TAFA1: variants seen among roughly 807,000 people sequenced by gnomAD.
The protein encoded by TAFA1 is chemokine-like protein TAFA-1.
Under a neutral mutation model 18.5 loss-of-function variants are expected in TAFA1, and 4 were observed. The ratio of observed to expected loss-of-function variants is 0.22; its 90% CI spans 0.11 to 0.49. The LOEUF is 0.49. Among genes scored for constraint, TAFA1 ranks in the 20% least tolerant of loss-of-function variants. TAFA1 has a pLI of 0.98. For synonymous variants in TAFA1, 56 were observed against 55.2 expected (o/e 1.01, Z -0.06); for missense variants, 147 against 169.0 (o/e 0.87, Z 0.72).
At chr3:68,419,754 G>C (rs1328181133) in intron 3 of TAFA1, among the ~76,000 whole-genome samples, 1 of 152,134 alleles carries the variant, frequency 6.6e-6, no homozygotes, top group Admixed American at 6.5e-5. Flanking sequence ...TATTTTCATT[G>C]TGGGTCAGTA....
chr3:68,464,378 T>C (rs954051076), intron 3 of TAFA1, among the ~76,000 whole-genome samples: 1 of 152,174 alleles, frequency 6.6e-6, no homozygotes, highest in Non-Finnish European at 1.5e-5. Context: ...AGGGAGCTCC[T>C]TTAGATTGAA....
At chr3:68,523,445 C>T (rs2073057920) in intron 3 of TAFA1, among the ~76,000 whole-genome samples, 1 of 152,154 alleles carries the variant, frequency 6.6e-6, no homozygotes, top group Non-Finnish European at 1.5e-5. Context: ...TTTGTAATTT[C>T]TTAGGATCAA....
intron 3 of TAFA1, among the ~76,000 whole-genome samples, chr3:68,464,361 G>A (rs74516321): frequency 0.012 from 1,876 of 152,246 alleles, 41 homozygotes; most frequent in African/African-American, 0.044. Context: ...AGAGAGAGTT[G>A]GAATGGAGGG....
At chr3:68,249,935 G>A (rs1002405888) in intron 2 of TAFA1, among the ~76,000 whole-genome samples, 2 of 152,056 alleles carry the variant, frequency 1.3e-5, no homozygotes, top group Admixed American at 6.6e-5. Flanking sequence ...CACAGCCTCC[G>A]AAGGCCACGT....
chr3:68,522,690 A>T (rs1294962086), intron 3 of TAFA1, among the ~76,000 whole-genome samples: 1 of 152,110 alleles, frequency 6.6e-6, no homozygotes, highest in Non-Finnish European at 1.5e-5. Context: ...TTCTACTAAA[A>T]ATACAAAAAT....
intron 2 of TAFA1, among the ~76,000 whole-genome samples, chr3:68,188,466 T>C (rs2066296278): frequency 6.8e-6 from 1 of 148,148 alleles, no homozygotes; most frequent in South Asian, 2.1e-4. Flanking sequence ...AGTATCTCTC[T>C]AAATTATATA....
intron 2 of TAFA1, among the ~76,000 whole-genome samples, chr3:68,258,435 A>G (rs548417775): frequency 6.6e-6 from 1 of 152,266 alleles, no homozygotes; most frequent in South Asian, 2.1e-4. Context: ...GAGAATTACT[A>G]ACTATGCTCC....
At chr3:68,247,469 G>T (rs2067102568) in intron 2 of TAFA1, 1 of 152,284 alleles carries the variant, frequency 6.6e-6, no homozygotes, top group Admixed American at 6.5e-5. Context: ...CTTTTTGCCT[G>T]AAGCCACCTC....
At chr3:68,071,511 G>T (rs2064754819) in intron 2 of TAFA1, among the ~76,000 whole-genome samples, 3 of 152,108 alleles carry the variant, frequency 2.0e-5, no homozygotes, top group Non-Finnish European at 4.4e-5. Context: ...GGGAAATCAG[G>T]GAAGGCTCAC....
intron 2 of TAFA1, among the ~76,000 whole-genome samples, chr3:68,041,486 T>TC (rs1482121678): frequency 6.6e-6 from 1 of 152,232 alleles, no homozygotes; most frequent in Non-Finnish European, 1.5e-5. Flanking sequence ...GATTTTTTTT[T>TC]CTCCCATTTT....
At chr3:68,081,267 C>T (rs2064895449) in intron 2 of TAFA1, among the ~76,000 whole-genome samples, 1 of 152,048 alleles carries the variant, frequency 6.6e-6, no homozygotes. Context: ...AATGTCCTCC[C>T]ATAGCTCAGA....
chr3:68,040,394 A>C (rs1705138676), intron 2 of TAFA1, among the ~76,000 whole-genome samples: 1 of 152,110 alleles, frequency 6.6e-6, no homozygotes, highest in African/African-American at 2.4e-5. Context: ...CTCTCAAGGG[A>C]GGGTCACTGC....
At chr3:68,441,487 C>G (rs1014911092) in intron 3 of TAFA1, among the ~76,000 whole-genome samples, 1 of 152,136 alleles carries the variant, frequency 6.6e-6, no homozygotes, top group African/African-American at 2.4e-5. Context: ...GGAAACTGAA[C>G]GTTTAACTAT....
At chr3:68,001,045 C>G (rs1047897861), upstream of TAFA1, among the ~76,000 whole-genome samples, 1 of 152,050 alleles carries the variant, frequency 6.6e-6, no homozygotes, top group Non-Finnish European at 1.5e-5. Flanking sequence ...ATTTTCATGA[C>G]CTTTATATGC....
intron 2 of TAFA1, among the ~76,000 whole-genome samples, chr3:68,323,328 A>C (rs1438796384): frequency 2.0e-5 from 3 of 152,220 alleles, no homozygotes; most frequent in Non-Finnish European, 2.9e-5. Context: ...ACTGAAATGA[A>C]TAGATTCACG....
At chr3:67,992,958 T>A in the TAFA1 span, among the ~76,000 whole-genome samples, 1 of 152,122 alleles carries the variant, frequency 6.6e-6, no homozygotes, top group Non-Finnish European at 1.5e-5. Flanking sequence ...AATTCCCGAG[T>A]GGTCAGGCTT....
intron 2 of TAFA1, among the ~76,000 whole-genome samples, chr3:68,344,719 A>AGAGG (rs2069136991): frequency 6.6e-6 from 1 of 152,198 alleles, no homozygotes; most frequent in Admixed American, 6.5e-5. Flanking sequence ...GAGATAAGGA[A>AGAGG]GAGGATAGTT....
chr3:68,319,633 C>T (rs1009064160), intron 2 of TAFA1, among the ~76,000 whole-genome samples: 11 of 152,224 alleles, frequency 7.2e-5, no homozygotes, highest in Non-Finnish European at 1.3e-4. Context: ...CCACTTAGGA[C>T]TTTGACTAAG....
chr3:68,100,485 A>G lies in TAFA1; in HGVS notation c.118+93741A>G, dbSNP rs191453144. On this transcript the variant is annotated intron_variant, in intron 2 of 4. Coordinates refer to ENST00000478136, the MANE Select transcript of TAFA1 (RefSeq NM_213609.4). ...GGTGTTGGTTTAGCATGGGACTGTCATGGCCACCAGATTGGTCTTTTGCTT... is the reference window on the plus strand; with the variant it reads ...GGTGTTGGTTTAGCATGGGACTGTCGTGGCCACCAGATTGGTCTTTTGCTT... Among the ~76,000 whole-genome samples, 19 of 152,240 alleles carry G rather than the reference A, an allele frequency of 1.2e-4. No homozygotes were observed. In the East Asian group the frequency reaches 2.7e-3, roughly 22 times the overall value.
Sources: gnomAD v4.1 joint callset for allele counts (sites outside exome capture counted in the v4.1 genomes callset) on GRCh38, gnomAD v4.1.1 for gene constraint, MANE v1.5 for transcripts, NCBI Gene and HGNC (gene_info 2026-07-23, HGNC 2026-07-21) for gene names.